Variants in CNGB3 observed in about 807,000 individuals in gnomAD.
CNGB3 encodes cyclic nucleotide gated channel subunit beta 3.
A neutral mutation model predicts 92.8 loss-of-function variants in CNGB3; 86 were observed. The ratio of observed to expected loss-of-function variants is 0.93; its 90% CI spans 0.78 to 1.11. The LOEUF (loss-of-function observed/expected upper bound fraction) is 1.11, where lower values mean the gene tolerates loss of function less well. CNGB3 is among the 50% of genes least tolerant of loss of function. CNGB3 has a pLI of 0.00. For missense variants in CNGB3, 1,026 were observed against 956.8 expected (o/e 1.07, Z -0.95); for synonymous variants, 333 against 332.7 (o/e 1.00, Z -0.01).
intron 8 of CNGB3, among the ~76,000 whole-genome samples, chr8:86,647,176 CTCT>C (rs1246531556): frequency 6.6e-6 from 1 of 150,684 alleles, no homozygotes; most frequent in Non-Finnish European, 1.5e-5. Context: ...AAAAAGCTTC[CTCT>C]TCTTTGTTTT....
At chr8:86,608,566 G>A (rs559060500) in intron 14 of CNGB3, among the ~76,000 whole-genome samples, 4 of 152,310 alleles carry the variant, frequency 2.6e-5, no homozygotes, top group Admixed American at 6.5e-5. Context: ...AGGCCTAACC[G>A]TCTCCCTGTG....
intron 4 of CNGB3, among the ~76,000 whole-genome samples, chr8:86,669,875 G>A (rs982202350): frequency 4.1e-5 from 6 of 146,104 alleles, no homozygotes; most frequent in South Asian, 2.2e-4. Flanking sequence ...TTTTTTTTTC[G>A]GAGTCTTGCT....
At chr8:86,735,042 G>GTTTTTTTTTTTTTTTTTTTTTTTTT (rs60107723) in intron 2 of CNGB3, among the ~76,000 whole-genome samples, 1 of 85,886 alleles carries the variant, frequency 1.2e-5, no homozygotes, top group Non-Finnish European at 2.1e-5. Context: ...AATGCCGGTG[G>GTTTTTTTTTTTTTTTTTTTTTTTTT]TTTTTTTTTT....
rs1822001819 is a variant in CNGB3 at position 86,590,414 on chromosome 8, G to A, written c.1782-11162C>T. On this transcript the variant is annotated intron_variant, in intron 15 of 17. Transcript: ENST00000320005. ...TAGCTGGTTATTTTGCTCATTAGTTGATGCAGTTTCTTCCTAGTCTCGATG... is the reference window on the plus strand; with the variant it reads ...TAGCTGGTTATTTTGCTCATTAGTTAATGCAGTTTCTTCCTAGTCTCGATG... Among the ~76,000 whole-genome samples the A allele has an allele frequency of 2.0e-5, 3 of 152,218 alleles. No individual in the cohort carries two copies. In the South Asian group the frequency reaches 6.2e-4, roughly 32 times the overall value.
At chr8:86,656,571 A>G (rs1823508717) in intron 6 of CNGB3, among the ~76,000 whole-genome samples, 1 of 152,152 alleles carries the variant, frequency 6.6e-6, no homozygotes, top group South Asian at 2.1e-4. Context: ...TTTAAGCCTC[A>G]TGATTATACC....
chr8:86,669,155 A>T (rs1823807539), intron 4 of CNGB3, among the ~76,000 whole-genome samples: 1 of 150,684 alleles, frequency 6.6e-6, no homozygotes, highest in Non-Finnish European at 1.5e-5. Flanking sequence ...AATAAATTTT[A>T]AAAAATGAAA....
intron 1 of CNGB3, 130 bp from the exon 2 acceptor site, chr8:86,739,866 A>C (rs1825312420): frequency 9.0e-7 from 1 of 1,110,108 alleles, no homozygotes; most frequent in Admixed American, 2.2e-5. Context: ...GATGTACTAA[A>C]AATGATTCTT....
At chr8:86,677,530 A>C (rs1340468295) in intron 3 of CNGB3, among the ~76,000 whole-genome samples, 1 of 152,216 alleles carries the variant, frequency 6.6e-6, no homozygotes, top group Non-Finnish European at 1.5e-5. Context: ...GGAATGATAT[A>C]GTGGATGAGA....
Position 86,654,063 on chromosome 8 carries a change from C to A in CNGB3, c.853-1G>T, listed in dbSNP as rs1823456874. ...GTTTCCTTAGCTCATTTGAATCCACCTGAAAGATATTTGTATTTTCATTAA... is the reference window on the plus strand; with the variant it reads ...GTTTCCTTAGCTCATTTGAATCCACATGAAAGATATTTGTATTTTCATTAA... On this transcript the variant is annotated splice_acceptor_variant, in intron 6 of 17. Transcript: ENST00000320005. LOFTEE classifies it high-confidence loss of function. The A allele has an allele frequency of 7.0e-6, 11 of 1,579,066 alleles. No homozygotes were observed. The highest frequency in any genetic ancestry group is 9.6e-6 in the Non-Finnish European group (11 of 1,148,520).
chr8:86,720,786 A>T (rs1377052365), intron 3 of CNGB3, among the ~76,000 whole-genome samples: 1 of 151,064 alleles, frequency 6.6e-6, no homozygotes, highest in African/African-American at 2.4e-5. Context: ...AGTGTGATAT[A>T]TATCACAACT....
chr8:86,735,899 T>C (rs916602932), intron 2 of CNGB3, among the ~76,000 whole-genome samples: 49 of 152,194 alleles, frequency 3.2e-4, no homozygotes, highest in African/African-American at 1.1e-3. Flanking sequence ...GACCCATTTC[T>C]ACACAAATAG....
intron 6 of CNGB3, chr8:86,660,616 T>G (rs1823620314): frequency 1.9e-6 from 1 of 533,920 alleles, no homozygotes; most frequent in African/African-American, 1.9e-5. Flanking sequence ...GCACTCTGGC[T>G]TTGCCTCTGA....
At position 86,575,842 on chromosome 8, in the gene CNGB3, C is replaced by T. The variant is rs750147398; in HGVS notation, c.2392G>A (p.Val798Ile). 1.9e-6 allele frequency: 3 copies of T among 1,613,602 alleles called. No homozygotes were observed. In the East Asian group the frequency reaches 6.7e-5, roughly 36 times the overall value. ...TTTTCTTTGACTTCAATAGTAAGAA[C>T]CTCTTCTCCGCCCTCAGCAGAAGGA... ...MAPSAEGGEE[V>I]LTIEVKEKAK... The change falls in exon 18 of 18, where the codon GTT (valine) becomes ATT (isoleucine). Residue 798 changes from valine to isoleucine, a missense_variant. Val to Ile is a conservative substitution (Grantham distance 29). Transcript: ENST00000320005.
intron 3 of CNGB3, among the ~76,000 whole-genome samples, chr8:86,708,376 C>G (rs1373690379): frequency 6.6e-6 from 1 of 151,874 alleles, no homozygotes; most frequent in Non-Finnish European, 1.5e-5. Context: ...AGATCAACTT[C>G]AAATAGTTGC....
intron 15 of CNGB3, among the ~76,000 whole-genome samples, chr8:86,598,998 T>C (rs138679550): frequency 1.3e-5 from 2 of 152,082 alleles, no homozygotes; most frequent in African/African-American, 4.8e-5. Context: ...TACCCCTCAG[T>C]AGGGGTTTAT....
intron 15 of CNGB3, chr8:86,593,877 C>T (rs1822110389): frequency 1.5e-6 from 1 of 682,472 alleles, no homozygotes; most frequent in Non-Finnish European, 2.6e-6. Context: ...ATAGCCAGGT[C>T]CTGCTTGCTG....
At chr8:86,648,472 T>A (rs566581472) in intron 7 of CNGB3, among the ~76,000 whole-genome samples, 27 of 151,304 alleles carry the variant, frequency 1.8e-4, no homozygotes, top group African/African-American at 6.3e-4. Context: ...AAATCAATAA[T>A]GTTTGCAATT....
At chr8:86,622,797 T>C (rs1822766052) in intron 13 of CNGB3, among the ~76,000 whole-genome samples, 1 of 152,250 alleles carries the variant, frequency 6.6e-6, no homozygotes, top group Non-Finnish European at 1.5e-5. Flanking sequence ...TGCTTGTTGT[T>C]TCAAAGTATT....
intron 15 of CNGB3, among the ~76,000 whole-genome samples, chr8:86,587,946 G>A (rs1416141133): frequency 5.3e-5 from 8 of 151,558 alleles, no homozygotes; most frequent in African/African-American, 9.7e-5. Flanking sequence ...CCATTTTCAC[G>A]ATATTGATTC....
Sources: allele counts gnomAD v4.1 joint callset (sites outside exome capture counted in the v4.1 genomes callset), GRCh38; gene constraint gnomAD v4.1.1; transcripts MANE v1.5; gene names NCBI Gene and HGNC (gene_info 2026-07-23, HGNC 2026-07-21).